Variants in SLC12A8 observed in about 807,000 individuals in gnomAD.
SLC12A8 encodes the protein cation-chloride cotransporter 9.
SLC12A8 carries 69 observed loss-of-function variants against 75.6 expected under a neutral mutation model. The ratio of observed to expected loss-of-function variants is 0.91; its 90% CI spans 0.75 to 1.11. The LOEUF is 1.11. Among genes scored for constraint, SLC12A8 ranks in the 50% most tolerant of loss-of-function variants. The pLI is 0.00. For missense variants in SLC12A8, 877 were observed against 896.7 expected (o/e 0.98, Z 0.28); for synonymous variants, 365 against 372.8 (o/e 0.98, Z 0.24).
chr3:125,107,822 A>G lies in SLC12A8; in HGVS notation c.1364T>C (p.Leu455Pro). 6.2e-7 allele frequency: 1 copy of G among 1,614,064 alleles called. No individual in the cohort carries two copies. Among genetic ancestry groups the G allele is most frequent in the Non-Finnish European group, 8.5e-7 (1 of 1,180,016 alleles). ...ATCCATGTCCTTGGTGAATTCCAGTAGCGTGCCCTCCAAGACTCTTTGGGC... is the reference window on the plus strand; with the variant it reads ...ATCCATGTCCTTGGTGAATTCCAGTGGCGTGCCCTCCAAGACTCTTTGGGC... ...GPAQRVLEGT[L>P]LEFTKDMDQL... The change falls in exon 10 of 14, where the codon CTA (leucine) becomes CCA (proline). Residue 455 changes from leucine (L) to proline (P), a missense_variant. Leu to Pro is a moderately conservative substitution (Grantham distance 98). Coordinates refer to ENST00000469902, the MANE Select transcript of SLC12A8 (RefSeq NM_024628.6).
At chr3:125,084,457 G>A (rs1221197314) in intron 13 of SLC12A8, among the ~76,000 whole-genome samples, 3 of 152,042 alleles carry the variant, frequency 2.0e-5, no homozygotes, top group Admixed American at 6.6e-5. Flanking sequence ...GAAAATTCTC[G>A]TAGGTCTATT....
chr3:125,153,055 G>C (rs1329410281), intron 5 of SLC12A8, among the ~76,000 whole-genome samples: 1 of 152,148 alleles, frequency 6.6e-6, no homozygotes, highest in Non-Finnish European at 1.5e-5. Context: ...CTGACAATCT[G>C]TTCCATCAAC....
chr3:125,148,309 T>A (rs1232184503), intron 5 of SLC12A8, among the ~76,000 whole-genome samples: 7 of 152,182 alleles, frequency 4.6e-5, no homozygotes, highest in Non-Finnish European at 1.0e-4. Flanking sequence ...ACCTATGTGT[T>A]GGGGTTAGGT....
intron 5 of SLC12A8, among the ~76,000 whole-genome samples, chr3:125,143,820 G>A (rs1446161736): frequency 6.6e-6 from 1 of 152,186 alleles, no homozygotes; most frequent in Admixed American, 6.5e-5. Flanking sequence ...TGGCCTGGGA[G>A]GGAAGGGGCT....
chr3:125,203,984 T>C (rs35305102), intron 2 of SLC12A8, among the ~76,000 whole-genome samples: 16,096 of 152,104 alleles, frequency 0.11, 965 homozygotes, highest in South Asian at 0.23. Context: ...CATGAAAAAA[T>C]GCTCAACAGC....
At chr3:125,141,274 T>G (rs1380847421) in intron 5 of SLC12A8, among the ~76,000 whole-genome samples, 1 of 152,206 alleles carries the variant, frequency 6.6e-6, no homozygotes, top group Admixed American at 6.5e-5. Flanking sequence ...GCTTGATCTT[T>G]CCACCCGGAA....
At chr3:125,155,806 T>C (rs1346032087) in intron 5 of SLC12A8, among the ~76,000 whole-genome samples, 1 of 145,562 alleles carries the variant, frequency 6.9e-6, no homozygotes, top group East Asian at 2.0e-4. Flanking sequence ...AGGGTAACAG[T>C]TGATGAACCA....
intron 5 of SLC12A8, among the ~76,000 whole-genome samples, chr3:125,174,829 G>C (rs1934484846): frequency 6.6e-6 from 1 of 152,326 alleles, no homozygotes; most frequent in Non-Finnish European, 1.5e-5. Context: ...GCATTAAAAG[G>C]CAAAGCACAG....
At chr3:125,211,199 C>A in intron 2 of SLC12A8, 100 bp downstream of exon 2, 1 of 962,014 alleles carries the variant, frequency 1.0e-6, no homozygotes, top group Non-Finnish European at 1.7e-6. Flanking sequence ...GAGTTAATTA[C>A]ATCTAAAGGG....
At chr3:125,203,977 G>GA (rs1326156316) in intron 2 of SLC12A8, among the ~76,000 whole-genome samples, 4 of 152,234 alleles carry the variant, frequency 2.6e-5, no homozygotes, top group African/African-American at 9.6e-5. Context: ...ACAGGCACAT[G>GA]AAAAAATGCT....
At chr3:125,173,222 A>G (rs1206709776) in intron 5 of SLC12A8, among the ~76,000 whole-genome samples, 1 of 152,144 alleles carries the variant, frequency 6.6e-6, no homozygotes, top group Non-Finnish European at 1.5e-5. Flanking sequence ...AAAAGGGACA[A>G]AGTTGGAGGA....
chr3:125,207,503 T>C (rs1935248592), intron 2 of SLC12A8, among the ~76,000 whole-genome samples: 1 of 152,202 alleles, frequency 6.6e-6, no homozygotes, highest in South Asian at 2.1e-4. Flanking sequence ...TTTTAGTATA[T>C]CCAGCAGGAA....
chr3:125,200,443 T>C (rs149002028), intron 2 of SLC12A8, among the ~76,000 whole-genome samples: 35 of 152,290 alleles, frequency 2.3e-4, no homozygotes, highest in Admixed American at 1.3e-3. Flanking sequence ...CGAGACTCTG[T>C]CTCAAAGAAA....
intron 5 of SLC12A8, among the ~76,000 whole-genome samples, chr3:125,152,330 T>C (rs1391364446): frequency 1.3e-5 from 2 of 152,240 alleles, no homozygotes; most frequent in African/African-American, 4.8e-5. Context: ...TCATTCCTCA[T>C]ACCACGATCA....
rs1939156990 is a variant in SLC12A8 at position 125,110,342 on chromosome 3, G to C, written c.913-7C>G. The C allele has an allele frequency of 6.2e-7, 1 of 1,608,604 alleles. No homozygotes were observed. Among genetic ancestry groups the C allele is most frequent in the South Asian group, 1.1e-5 (1 of 90,852 alleles). On this transcript the variant is annotated splice_polypyrimidine_tract_variant and splice_region_variant and intron_variant, in intron 8 of 13. Transcript: ENST00000469902. ...GGAAGCCCATGAGGGATACCTGTGT[G>C]AGAAGCGGTTTCATTCGCCAGTGCC...
chr3:125,112,204 C>T (rs12487908), intron 8 of SLC12A8, among the ~76,000 whole-genome samples: 16,366 of 152,188 alleles, frequency 0.11, 1,262 homozygotes, highest in East Asian at 0.23. Context: ...AGGTCCACTA[C>T]GGAGCCCACC....
chr3:125,086,405 C>T (rs1182026627), intron 13 of SLC12A8, among the ~76,000 whole-genome samples: 1 of 152,162 alleles, frequency 6.6e-6, no homozygotes, highest in Non-Finnish European at 1.5e-5. Context: ...CTTCTTTCTA[C>T]ATAGCACTGC....
At chr3:125,176,978 T>C (rs1166736963) in intron 5 of SLC12A8, among the ~76,000 whole-genome samples, 2 of 151,924 alleles carry the variant, frequency 1.3e-5, no homozygotes, top group East Asian at 1.9e-4. Flanking sequence ...TTACTGGGTA[T>C]ATACCCAAAG....
chr3:125,160,312 G>A (rs190891306), intron 5 of SLC12A8, among the ~76,000 whole-genome samples: 17 of 152,296 alleles, frequency 1.1e-4, no homozygotes, highest in Admixed American at 2.0e-4. Context: ...TTTCCCCACT[G>A]TAAAATGGGA....
Sources: allele counts gnomAD v4.1 joint callset (sites outside exome capture counted in the v4.1 genomes callset), GRCh38; gene constraint gnomAD v4.1.1; transcripts MANE v1.5; gene names NCBI Gene and HGNC (gene_info 2026-07-23, HGNC 2026-07-21).